NUDT19: variants seen among roughly 807,000 people sequenced by gnomAD.
The protein encoded by NUDT19 is acyl-coenzyme A diphosphatase NUDT19.
Under a neutral mutation model 22.2 loss-of-function variants are expected in NUDT19, and 31 were observed. The ratio of observed to expected loss-of-function variants is 1.40; its 90% CI spans 1.05 to 1.89. The LOEUF is 1.89. NUDT19 is among the 40% of genes most tolerant of loss of function. The probability of loss-of-function intolerance (pLI) is 0.00; values close to 1 mark genes in which losing one functional copy is unlikely to be tolerated. For missense variants in NUDT19, 752 were observed against 514.2 expected (o/e 1.46, Z -4.47); for synonymous variants, 325 against 230.8 (o/e 1.41, Z -3.70).
intron 1 of NUDT19, among the ~76,000 whole-genome samples, chr19:32,693,083 C>G (rs1045779779): frequency 6.6e-6 from 1 of 152,072 alleles, no homozygotes; most frequent in Non-Finnish European, 1.5e-5. Context: ...TGTTGCACAC[C>G]CAGGCTCGTC....
Position 32,692,396 on chromosome 19 carries a change from T to G in NUDT19, c.436T>G (p.Ser146Ala). 1 of 1,577,972 alleles carries G rather than the reference T, an allele frequency of 6.3e-7. No homozygotes were observed. Among genetic ancestry groups the G allele is most frequent in the Non-Finnish European group, 8.5e-7 (1 of 1,170,232 alleles). Reference sequence around the variant, plus strand: ...CGTGCTGCTGCTGCGGCCCAGGACTTCCCCACCAGGCCCAGCACCCGGGCC... The same window carrying G: ...CGTGCTGCTGCTGCGGCCCAGGACTGCCCCACCAGGCCCAGCACCCGGGCC... ...AGVLLLRPRT[S>A]PPGPAPGPGL... The change falls in exon 1 of 3, where the codon TCC becomes GCC. Residue 146 changes from serine (S) to alanine (A), a missense_variant. Ser to Ala is a moderately conservative substitution (Grantham distance 99, BLOSUM62 1). Coordinates refer to ENST00000397061, the MANE Select transcript of NUDT19 (RefSeq NM_001105570.2).
At position 32,692,445 on chromosome 19, in the gene NUDT19, C is replaced by A. The variant is rs372257079; in HGVS notation, c.485C>A (p.Pro162Gln). 4 of 1,547,062 alleles carry A rather than the reference C, an allele frequency of 2.6e-6. No homozygotes were observed. The East Asian group carries it at 9.9e-5, about 38-fold the overall frequency. The stretch of plus-strand genomic sequence containing the variant: ...CCTGGCCTCGCCCTGGAGCCACCGC[C>A]GGGCCTGGCCTCCTGGCGCGACCGC... Reference protein sequence around the residue: ...PGPGLALEPPPGLASWRDRVR... With the variant: ...PGPGLALEPPQGLASWRDRVR... Residue 162 changes from proline to glutamine, a missense_variant, in exon 1 of 3, where the codon CCG (proline) becomes CAG (glutamine). Coordinates refer to ENST00000397061, the MANE Select transcript of NUDT19 (RefSeq NM_001105570.2).
At chr19:32,710,884 A>T (rs1485295160) in intron 2 of NUDT19, among the ~76,000 whole-genome samples, 4 of 141,614 alleles carry the variant, frequency 2.8e-5, no homozygotes, top group African/African-American at 1.1e-4. Context: ...CAAGAGCGAA[A>T]CTCCATCTCA....
Position 32,711,922 on chromosome 19 carries a change from C to A in NUDT19, c.1093C>A (p.Pro365Thr), listed in dbSNP as rs1216041474. The A allele has an allele frequency of 2.5e-6, 4 of 1,613,862 alleles. No homozygotes were observed. In the South Asian group the frequency reaches 4.4e-5, roughly 18 times the overall value. The change falls in exon 3 of 3, where the codon CCT becomes ACT. Residue 365 changes from proline (P) to threonine (T), a missense_variant. By Grantham distance (38) the Pro-to-Thr change is conservative. Coordinates refer to ENST00000397061, the MANE Select transcript of NUDT19 (RefSeq NM_001105570.2). ...TVQPKYKHVY[P>T]KNSVVRKSHL ...TCAGCCAAAGTATAAACACGTTTAT[C>A]CTAAGAACTCTGTAGTAAGAAAAAG... is the stretch of plus-strand genomic sequence containing the variant.
In NUDT19 at chr19:32,692,879, T is replaced by TG. The variant is rs199976830; in HGVS notation, c.714+209dup. 6.0e-3 allele frequency among the ~76,000 whole-genome samples: 917 copies of TG among 152,334 alleles called. 10 individuals are homozygous for TG. Among genetic ancestry groups the TG allele is most frequent in the African/African-American group, 0.021 (864 of 41,578 alleles). ...AAGTGCTCTCTGCTTTCCTAGGCTT[T>TG]GGGGTCTCAAGGCCTGGAGCCTGTC... On this transcript the variant is annotated intron_variant, in intron 1 of 2. Coordinates refer to ENST00000397061, the MANE Select transcript of NUDT19 (RefSeq NM_001105570.2).
chr19:32,709,277 C>T lies in NUDT19; in HGVS notation c.807C>T (p.Asn269=). The T allele has an allele frequency of 6.2e-7, 1 of 1,614,160 alleles. No individual in the cohort carries two copies. The highest frequency in any genetic ancestry group is 8.5e-7 in the Non-Finnish European group (1 of 1,179,990). The change falls in exon 2 of 3, where the codon AAC becomes AAT. Residue 269 remains asparagine (N), a synonymous_variant. Transcript: ENST00000397061. ...TCTACGAAGTGAGAAGACTTGCAAACTTTGCCTCTCTCTCTGACTTGCACA... is the reference window on the plus strand; with the variant it reads ...TCTACGAAGTGAGAAGACTTGCAAATTTTGCCTCTCTCTCTGACTTGCACA... ...PQFYEVRRLA[N]FASLSDLHKF... is the part of the protein sequence containing the mutation.
Position 32,699,415 on chromosome 19 carries a change from C to G in NUDT19, c.714+6741C>G, listed in dbSNP as rs531467509. ...AGGGTCAACCAACTTGTTGTCGGGA[C>G]CCCGGAGCTGAATGGCTTTCCTCGC... is the stretch of plus-strand genomic sequence containing the variant. On this transcript the variant is annotated intron_variant, in intron 1 of 2. Transcript: ENST00000397061. 8.7e-4 allele frequency among the ~76,000 whole-genome samples: 133 copies of G among 152,292 alleles called. 2 individuals are homozygous for G. The South Asian group carries it at 8.9e-3, about 10-fold the overall frequency.
In NUDT19 at chr19:32,692,570, T is replaced by C. The variant is rs1381380144; in HGVS notation, c.610T>C (p.Phe204Leu). ...CAACTGGAGCGCCTGGCTCACCCCTTTCTTGCGGGGCACCACTCGCCGCTT... is the reference window on the plus strand; with the variant it reads ...CAACTGGAGCGCCTGGCTCACCCCTCTCTTGCGGGGCACCACTCGCCGCTT... ...LHNWSAWLTPFLRGTTRRFDT... is the reference protein window; with the variant it reads ...LHNWSAWLTPLLRGTTRRFDT... The change falls in exon 1 of 3, where the codon TTC becomes CTC. Residue 204 changes from phenylalanine (F) to leucine (L), a missense_variant. Phe to Leu is a conservative substitution (Grantham distance 22). Coordinates refer to ENST00000397061, the MANE Select transcript of NUDT19 (RefSeq NM_001105570.2). 1 of 1,595,966 alleles carries C rather than the reference T, an allele frequency of 6.3e-7. No homozygotes were observed. Among genetic ancestry groups the C allele is most frequent in the African/African-American group, 1.4e-5 (1 of 72,882 alleles).
chr19:32,704,494 T>C (rs1968367725), intron 1 of NUDT19, among the ~76,000 whole-genome samples: 1 of 151,846 alleles, frequency 6.6e-6, no homozygotes, highest in African/African-American at 2.4e-5. Flanking sequence ...ACTCCTGACC[T>C]TGTGATCCGC....
Position 32,692,387 on chromosome 19 carries a change from C to G in NUDT19, c.427C>G (p.Pro143Ala). ...GGAGGCGGGCGTGCTGCTGCTGCGG[C>G]CCAGGACTTCCCCACCAGGCCCAGC... ...FEEAGVLLLR[P>A]RTSPPGPAPG... The change falls in exon 1 of 3, where the codon CCC becomes GCC. Residue 143 changes from proline to alanine, a missense_variant. Pro to Ala is a conservative substitution (Grantham distance 27). Transcript: ENST00000397061. The G allele has an allele frequency of 6.3e-7, 1 of 1,581,752 alleles. No individual in the cohort carries two copies. Among genetic ancestry groups the G allele is most frequent in the Non-Finnish European group, 8.5e-7 (1 of 1,172,084 alleles).
intron 1 of NUDT19, among the ~76,000 whole-genome samples, chr19:32,693,565 A>G (rs181787263): frequency 7.8e-4 from 118 of 151,930 alleles, no homozygotes; most frequent in African/African-American, 2.8e-3. Flanking sequence ...TTATTCCCTT[A>G]TTTGGCCCTG....
chr19:32,700,089 T>C (rs1008184597), intron 1 of NUDT19, among the ~76,000 whole-genome samples: 2 of 152,246 alleles, frequency 1.3e-5, no homozygotes, highest in Admixed American at 1.3e-4. Context: ...GCAAGATTTA[T>C]TGCGAAGAGC....
intron 1 of NUDT19, among the ~76,000 whole-genome samples, chr19:32,694,115 AAGG>A (rs1271625489): frequency 2.6e-5 from 4 of 152,216 alleles, no homozygotes; most frequent in East Asian, 3.8e-4. Context: ...CAAATTTGAC[AAGG>A]AGGTTAAAAA....
intron 2 of NUDT19, among the ~76,000 whole-genome samples, chr19:32,711,071 G>A (rs759781030): frequency 3.3e-5 from 5 of 152,016 alleles, no homozygotes; most frequent in Non-Finnish European, 7.4e-5. Context: ...GTCATGAACT[G>A]GTATAATAGT....
intron 1 of NUDT19, among the ~76,000 whole-genome samples, chr19:32,700,152 C>T (rs932210723): frequency 6.6e-6 from 1 of 152,256 alleles, no homozygotes; most frequent in Non-Finnish European, 1.5e-5. Flanking sequence ...GTTGCTGCTG[C>T]TGGCTTGGGT....
At chr19:32,711,685 A>C in intron 2 of NUDT19, 67 bp from the exon 3 acceptor site, 1 of 882,456 alleles carries the variant, frequency 1.1e-6, no homozygotes. Context: ...TTAAAATTTT[A>C]TACTTTCTGC....
intron 1 of NUDT19, among the ~76,000 whole-genome samples, chr19:32,696,762 C>T (rs147193007): frequency 0.011 from 1,655 of 152,146 alleles, 37 homozygotes; most frequent in African/African-American, 0.038. Context: ...CAGGATTCCT[C>T]GGATGGTAAC....
intron 1 of NUDT19, among the ~76,000 whole-genome samples, chr19:32,704,940 C>G (rs1968371975): frequency 6.6e-6 from 1 of 151,378 alleles, no homozygotes; most frequent in African/African-American, 2.4e-5. Context: ...AACCCCGTCT[C>G]AAGTAAAAAT....
intron 1 of NUDT19, among the ~76,000 whole-genome samples, chr19:32,693,019 C>T (rs1482060835): frequency 6.6e-6 from 1 of 151,094 alleles, no homozygotes; most frequent in Non-Finnish European, 1.5e-5. Context: ...TTAATATGAT[C>T]CAGTCTTCCT....
Sources: gnomAD v4.1 joint callset for allele counts (sites outside exome capture counted in the v4.1 genomes callset) on GRCh38, gnomAD v4.1.1 for gene constraint, MANE v1.5 for transcripts, NCBI Gene and HGNC (gene_info 2026-07-23, HGNC 2026-07-21) for gene names.